STK10: variants seen among roughly 807,000 people sequenced by gnomAD.
STK10 encodes the protein serine/threonine-protein kinase 10.
A neutral mutation model predicts 113.8 loss-of-function variants in STK10; 78 were observed. That is an observed-to-expected ratio of 0.69 (90% CI 0.57 to 0.83). The LOEUF (loss-of-function observed/expected upper bound fraction) is 0.83, where lower values mean the gene tolerates loss of function less well. STK10 is among the 40% of genes least tolerant of loss of function. The pLI is 0.00. For synonymous variants in STK10, 465 were observed against 494.7 expected (o/e 0.94, Z 0.80); for missense variants, 1,109 against 1,280.1 (o/e 0.87, Z 2.04).
At chr5:172,083,904 G>A (rs13359798) in intron 10 of STK10, among the ~76,000 whole-genome samples, 1,424 of 132,330 alleles carry the variant, frequency 0.011, 18 homozygotes, top group African/African-American at 0.037. Context: ...GCGAAACTCC[G>A]TCTCAACAAC....
At chr5:172,186,789 T>C (rs1303817562) in intron 1 of STK10, among the ~76,000 whole-genome samples, 2 of 152,116 alleles carry the variant, frequency 1.3e-5, no homozygotes, top group Non-Finnish European at 2.9e-5. Flanking sequence ...AGCTCCCAAA[T>C]GATGCTATTA....
At chr5:172,100,359 G>A (rs777727585) in intron 7 of STK10, among the ~76,000 whole-genome samples, 9 of 152,138 alleles carry the variant, frequency 5.9e-5, no homozygotes, top group South Asian at 2.1e-4. Context: ...AAAGGCAACC[G>A]GCAGCTGCTC....
rs4569891 is a variant in STK10, at chr5:172,053,051, G to C, written c.2653-9C>G. On this transcript the variant is annotated splice_polypyrimidine_tract_variant and intron_variant, in intron 17 of 18. Transcript: ENST00000176763. ...AGGTGGCACTTTTCATTCTGGAACA[G>C]ATTCCAGGCAGAACAGGTGAGAAAT... The C allele has an allele frequency of 6.2e-7, 1 of 1,611,992 alleles. No homozygotes were observed. The highest frequency in any genetic ancestry group is 1.3e-5 in the African/African-American group (1 of 74,934).
rs569784964 is a variant in STK10, at chr5:172,119,751, C to T, written c.371-2121G>A. On this transcript the variant is annotated intron_variant, in intron 3 of 18. Transcript: ENST00000176763. ...TAGTGGCGGGCGCCTGTAGTCCCAG[C>T]TACTCGGGAGGCTGAGGCAGGAGAA... 8.2e-5 allele frequency among the ~76,000 whole-genome samples: 12 copies of T among 145,474 alleles called. 1 individual carries two copies. The highest frequency in any genetic ancestry group is 1.8e-4 in the Non-Finnish European group (12 of 66,178).
intron 4 of STK10, among the ~76,000 whole-genome samples, chr5:172,108,459 T>C (rs1156493523): frequency 6.6e-6 from 1 of 151,714 alleles, no homozygotes; most frequent in Non-Finnish European, 1.5e-5. Flanking sequence ...CTACTAAAAA[T>C]ACAAAAATTA....
At chr5:172,108,522 A>G (rs1413417197) in intron 4 of STK10, among the ~76,000 whole-genome samples, 1 of 151,440 alleles carries the variant, frequency 6.6e-6, no homozygotes, top group African/African-American at 2.4e-5. Context: ...GGGCTGAGGC[A>G]CAAAAATCGC....
intron 18 of STK10, among the ~76,000 whole-genome samples, chr5:172,052,480 G>C (rs898921710): frequency 1.2e-4 from 18 of 152,226 alleles, no homozygotes; most frequent in African/African-American, 3.4e-4. Flanking sequence ...CACTAGGAGA[G>C]AGTAAACGGG....
At chr5:172,057,298 C>T (rs764169557) in intron 15 of STK10, 51 bp downstream of exon 15, 5 of 1,558,496 alleles carry the variant, frequency 3.2e-6, no homozygotes, top group Non-Finnish European at 4.3e-6. Context: ...TCATGGCTCT[C>T]CCAGGTCGGC....
chr5:172,173,251 C>T (rs1348407536), intron 1 of STK10, among the ~76,000 whole-genome samples: 1 of 152,162 alleles, frequency 6.6e-6, no homozygotes, highest in Non-Finnish European at 1.5e-5. Flanking sequence ...GCTCAGGCTT[C>T]CCCAACCCCG....
chr5:172,157,929 C>T lies in STK10; in HGVS notation c.157-1141G>A, dbSNP rs898740449. ...AAATTTATGATAGGAATGTTTGATGCGTTTATTTGCAACATTTCCCACGCA... is the reference window on the plus strand; with the variant it reads ...AAATTTATGATAGGAATGTTTGATGTGTTTATTTGCAACATTTCCCACGCA... On this transcript the variant is annotated intron_variant, in intron 1 of 18. Transcript: ENST00000176763. Among the ~76,000 whole-genome samples, 4 of 152,048 alleles carry T rather than the reference C, an allele frequency of 2.6e-5. No homozygotes were observed. The East Asian group carries it at 5.8e-4, about 22-fold the overall frequency.
intron 12 of STK10, among the ~76,000 whole-genome samples, chr5:172,072,618 C>T (rs1301810006): frequency 6.6e-6 from 1 of 152,136 alleles, no homozygotes; most frequent in Non-Finnish European, 1.5e-5. Context: ...AAGAGACTTT[C>T]TTAATCCAAT....
intron 1 of STK10, among the ~76,000 whole-genome samples, chr5:172,180,645 CA>C (rs59448135): frequency 2.9e-4 from 42 of 142,752 alleles, no homozygotes; most frequent in Non-Finnish European, 3.9e-4. Flanking sequence ...ACAACAACAA[CA>C]AAAAAAAAAA....
intron 7 of STK10, among the ~76,000 whole-genome samples, chr5:172,105,246 G>C (rs984814092): frequency 5.3e-5 from 8 of 150,316 alleles, no homozygotes; most frequent in Non-Finnish European, 7.4e-5. Context: ...CTCCCTCTGG[G>C]CCACTGGCCT....
chr5:172,170,700 C>T (rs1435991080), intron 1 of STK10, among the ~76,000 whole-genome samples: 1 of 152,222 alleles, frequency 6.6e-6, no homozygotes, highest in Admixed American at 6.5e-5. Context: ...TGGCTGAAAA[C>T]GGGAGCAACC....
At chr5:172,154,677 A>G (rs182309162) in intron 2 of STK10, among the ~76,000 whole-genome samples, 59 of 152,358 alleles carry the variant, frequency 3.9e-4, no homozygotes, top group African/African-American at 1.4e-3. Context: ...CAATTTAGGG[A>G]CGGAAAAGTC....
chr5:172,064,935 C>T, intron 12 of STK10, 123 bp from the exon 13 acceptor site: 1 of 1,029,894 alleles, frequency 9.7e-7, no homozygotes, highest in Non-Finnish European at 1.4e-6. Flanking sequence ...TTGCAGCGGC[C>T]AGCACCCTAC....
At chr5:172,127,277 A>T (rs1769642291) in intron 3 of STK10, 96 bp downstream of exon 3, 3 of 1,335,946 alleles carry the variant, frequency 2.2e-6, no homozygotes, top group Non-Finnish European at 3.2e-6. Flanking sequence ...GGGAGAGTGG[A>T]GGTCCCAGTC....
At chr5:172,178,241 G>A (rs1770790021) in intron 1 of STK10, among the ~76,000 whole-genome samples, 1 of 152,110 alleles carries the variant, frequency 6.6e-6, no homozygotes, top group African/African-American at 2.4e-5. Flanking sequence ...CCCGCGTGGG[G>A]GCCACACCGT....
rs138031710 is a variant in STK10, at chr5:172,162,932, C to A, written c.157-6144G>T. Among the ~76,000 whole-genome samples the A allele has an allele frequency of 3.8e-4, 58 of 152,328 alleles. No individual in the cohort carries two copies. The East Asian group carries it at 0.011, about 29-fold the overall frequency. On this transcript the variant is annotated intron_variant, in intron 1 of 18. Transcript: ENST00000176763. ...CACTGACCAGACGGCCAGGCCTCAG[C>A]CAGTACCAGTGTCAACACAAGGCAC...
Sources: allele counts gnomAD v4.1 joint callset (sites outside exome capture counted in the v4.1 genomes callset), GRCh38; gene constraint gnomAD v4.1.1; transcripts MANE v1.5; gene names NCBI Gene and HGNC (gene_info 2026-07-23, HGNC 2026-07-21).